The following PLBD1 variants were observed in gnomAD, a reference collection of about 807,000 sequenced individuals.
PLBD1 encodes lysosomal leucine aminopeptidase.
PLBD1 carries 60 observed loss-of-function variants against 63.0 expected under a neutral mutation model. The ratio of observed to expected loss-of-function variants is 0.95; its 90% confidence interval spans 0.77 to 1.18. The LOEUF is 1.18. Among genes scored for constraint, PLBD1 ranks in the 50% most tolerant of loss-of-function variants. The probability of loss-of-function intolerance (pLI) is 0.00; values close to 1 mark genes in which losing one functional copy is unlikely to be tolerated. For missense variants in PLBD1, 598 were observed against 677.9 expected, an observed-to-expected ratio of 0.88 and a Z score of 1.31; for synonymous variants, 262 against 248.0, an observed-to-expected ratio of 1.06 and a Z score of -0.53.
intron 6 of PLBD1, among the ~76,000 whole-genome samples, chr12:14,518,365 A>G (rs915473324): frequency 6.6e-6 from 1 of 152,190 alleles, no homozygotes; most frequent in African/African-American, 2.4e-5. Flanking sequence ...AATTCCCATA[A>G]AACTAGTCAG....
At chr12:14,511,207 A>G in intron 8 of PLBD1, 53 bp downstream of exon 8, 1 of 1,474,300 alleles carries the variant, frequency 6.8e-7, no homozygotes, top group Non-Finnish European at 9.2e-7. Context: ...CCTACCATAT[A>G]TGAACACACA....
chr12:14,506,050 T>G (rs932055531), intron 10 of PLBD1, 112 bp downstream of exon 10: 33 of 642,882 alleles, frequency 5.1e-5, no homozygotes, highest in Middle Eastern at 2.7e-4. Flanking sequence ...GATTCCTGGG[T>G]TGAGTTTATG....
intron 2 of PLBD1, among the ~76,000 whole-genome samples, chr12:14,543,375 T>C (rs1156461383): frequency 1.3e-5 from 2 of 152,218 alleles, no homozygotes; most frequent in East Asian, 3.8e-4. Context: ...CATCATGTTA[T>C]TGTTCAAAGA....
chr12:14,519,206 G>T (rs1379353735), intron 6 of PLBD1, among the ~76,000 whole-genome samples: 1 of 152,158 alleles, frequency 6.6e-6, no homozygotes, highest in East Asian at 1.9e-4. Flanking sequence ...ATATGTTGAA[G>T]TCTTAACCCC....
At chr12:14,520,593 C>A (rs1249722420) in intron 6 of PLBD1, among the ~76,000 whole-genome samples, 1 of 152,040 alleles carries the variant, frequency 6.6e-6, no homozygotes, top group Non-Finnish European at 1.5e-5. Flanking sequence ...ACTAGAGTAT[C>A]CAAAGGAGAA....
Position 14,540,775 on chromosome 12 carries a change from C to T in PLBD1, c.547G>A (p.Glu183Lys), listed in dbSNP as rs1450983899. ...GTTTAAAGTCCTACCTTTGTCCCTT[C>T]TAATATAGCCCTCTTCTTTGCTCCT... ...YVGAKKRAIL[E>K]GTKPMTLFQI... The change falls in exon 4 of 11, where the codon GAA (glutamate) becomes AAA (lysine). Residue 183 changes from glutamate (E) to lysine (K), a missense_variant. Transcript: ENST00000240617. 3 of 1,597,100 alleles carry T rather than the reference C, an allele frequency of 1.9e-6. No individual in the cohort carries two copies. The highest frequency in any genetic ancestry group is 2.3e-5 in the South Asian group (2 of 88,696).
At chr12:14,547,478 C>T (rs76212837) in intron 2 of PLBD1, among the ~76,000 whole-genome samples, 3,710 of 152,240 alleles carry the variant, frequency 0.024, 170 homozygotes, top group African/African-American at 0.084. Context: ...GACTCCACTA[C>T]TTCTAAGCTA....
intron 6 of PLBD1, among the ~76,000 whole-genome samples, chr12:14,513,211 T>C (rs1239452115): frequency 6.6e-6 from 1 of 152,210 alleles, no homozygotes; most frequent in Non-Finnish European, 1.5e-5. Flanking sequence ...TGTATATATT[T>C]TGGCATACAA....
chr12:14,506,808 GTTAAATAC>G, intron 9 of PLBD1, 117 bp downstream of exon 9: 1 of 790,642 alleles, frequency 1.3e-6, no homozygotes, highest in East Asian at 2.8e-5. Context: ...TACAATATTA[GTTAAATAC>G]TTAAATAACT....
chr12:14,567,688 G>A lies in PLBD1; in HGVS notation c.9C>T (p.Arg3=). 1 of 1,456,912 alleles carries A rather than the reference G, an allele frequency of 6.9e-7. No homozygotes were observed. Among genetic ancestry groups the A allele is most frequent in the Non-Finnish European group, 9.0e-7 (1 of 1,116,262 alleles). The allele number at this position is 1,456,912 out of a possible 1,614,324, so 90.2% of individuals were successfully genotyped here. A position where few individuals can be genotyped will look rare whatever the true frequency, so the allele number is the denominator to read the frequency against. The part of the protein sequence containing the change: MT[R]GGPGGRPGLP... ...GCCCCGGGCGCCCGCCCGGACCGCC[G>A]CGGGTCATCGCTCCACGGCCGCGAC... The change falls in exon 1 of 11, where the codon CGC becomes CGT. Residue 3 remains arginine, a synonymous_variant. Transcript: ENST00000240617.
chr12:14,508,695 G>A (rs941915441), intron 8 of PLBD1, among the ~76,000 whole-genome samples: 5 of 152,156 alleles, frequency 3.3e-5, no homozygotes, highest in Admixed American at 1.3e-4. Flanking sequence ...GCTTGAACCC[G>A]AGAGGCAAAG....
In PLBD1 at chr12:14,540,109, TTTATATATATA is replaced by T. The variant is rs1565577672; in HGVS notation, c.558+644_558+654del. Among the ~76,000 whole-genome samples the T allele has an allele frequency of 2.8e-4, 10 of 35,394 alleles. 1 individual carries two copies. The highest frequency in any genetic ancestry group is 6.0e-4 in the Admixed American group (2 of 3,340). 23.2% of individuals were successfully genotyped at this position (35,394 alleles called of 152,430 possible). ...AGAGAGTTATATAATATAAATATTATTTATATATATATATATATATATACTGGCAAAATAGA... is the reference window on the plus strand; with the variant it reads ...AGAGAGTTATATAATATAAATATTATTATATATATATACTGGCAAAATAGA... On this transcript the variant is annotated intron_variant, in intron 4 of 10. Coordinates refer to ENST00000240617, the MANE Select transcript of PLBD1 (RefSeq NM_024829.6).
intron 1 of PLBD1, among the ~76,000 whole-genome samples, chr12:14,561,729 T>C (rs1256610026): frequency 6.6e-6 from 1 of 152,170 alleles, no homozygotes; most frequent in Non-Finnish European, 1.5e-5. Flanking sequence ...GCTAATTTTG[T>C]ATTTTTAGCA....
intron 2 of PLBD1, among the ~76,000 whole-genome samples, chr12:14,542,863 C>T (rs568282085): frequency 1.5e-4 from 23 of 151,936 alleles, no homozygotes; most frequent in Admixed American, 4.6e-4. Flanking sequence ...CTGGCTAACA[C>T]GGTGAAACCC....
At chr12:14,542,963 C>T (rs1945587349) in intron 2 of PLBD1, among the ~76,000 whole-genome samples, 1 of 152,110 alleles carries the variant, frequency 6.6e-6, no homozygotes, top group Non-Finnish European at 1.5e-5. Flanking sequence ...AGGAGAATGG[C>T]ATGAACCTGG....
chr12:14,525,682 A>AACACACAC (rs57722328), intron 6 of PLBD1, among the ~76,000 whole-genome samples: 35 of 149,236 alleles, frequency 2.3e-4, no homozygotes, highest in African/African-American at 8.4e-4. Context: ...CTTACTTCTC[A>AACACACAC]ACACACACAC....
chr12:14,544,350 T>C (rs1486620409), intron 2 of PLBD1, among the ~76,000 whole-genome samples: 2 of 152,154 alleles, frequency 1.3e-5, no homozygotes, highest in Non-Finnish European at 2.9e-5. Context: ...ATTTTTGTAT[T>C]TTTAGTAGAG....
intron 4 of PLBD1, among the ~76,000 whole-genome samples, chr12:14,537,184 T>C (rs1945526445): frequency 6.6e-6 from 1 of 152,172 alleles, no homozygotes; most frequent in Admixed American, 6.5e-5. Context: ...ATAATTGTTA[T>C]GGCTTTATAG....
intron 5 of PLBD1, 134 bp from the exon 6 acceptor site, chr12:14,535,937 T>A: frequency 1.1e-6 from 1 of 876,694 alleles, no homozygotes; most frequent in Non-Finnish European, 1.7e-6. Flanking sequence ...TTGGAAAATA[T>A]GGCCAAGGAG....
Sources: gnomAD v4.1 joint callset for allele counts (sites outside exome capture counted in the v4.1 genomes callset) on GRCh38, gnomAD v4.1.1 for gene constraint, MANE v1.5 for transcripts, NCBI Gene and HGNC (gene_info 2026-07-23, HGNC 2026-07-21) for gene names.